DPP6: variants seen among roughly 807,000 people sequenced by gnomAD.
DPP6 encodes the protein A-type potassium channel modulatory protein DPP6.
A neutral mutation model predicts 122.6 loss-of-function variants in DPP6; 69 were observed. The ratio of observed to expected loss-of-function variants is 0.56; its 90% CI spans 0.46 to 0.69. The LOEUF (loss-of-function observed/expected upper bound fraction) is 0.69. DPP6 is among the 30% of genes least tolerant of loss of function. DPP6 has a pLI of 0.00. For missense variants in DPP6, 928 were observed against 1,116.9 expected (o/e 0.83, Z 2.41); for synonymous variants, 418 against 433.1 (o/e 0.97, Z 0.43).
chr7:154,168,248 C>T (rs1797354085), intron 1 of DPP6, among the ~76,000 whole-genome samples: 1 of 152,090 alleles, frequency 6.6e-6, no homozygotes, highest in Admixed American at 6.6e-5. Context: ...GAAGACCTTG[C>T]CTTATTATTT....
At chr7:154,472,230 A>AT (rs1028122211) in intron 2 of DPP6, among the ~76,000 whole-genome samples, 12 of 152,188 alleles carry the variant, frequency 7.9e-5, no homozygotes, top group East Asian at 5.8e-4. Context: ...ACAAGTGGAC[A>AT]TTTTTTCTAA....
chr7:154,333,005 C>T (rs1376053892), intron 1 of DPP6, among the ~76,000 whole-genome samples: 1 of 152,158 alleles, frequency 6.6e-6, no homozygotes, highest in Non-Finnish European at 1.5e-5. Context: ...CTGCTGTGTT[C>T]CTGTAGGAGG....
intron 1 of DPP6, among the ~76,000 whole-genome samples, chr7:154,408,463 T>C (rs1428583842): frequency 6.6e-6 from 1 of 152,192 alleles, no homozygotes; most frequent in African/African-American, 2.4e-5. Flanking sequence ...TATATATTTT[T>C]ATATTGGAAT....
chr7:154,351,344 C>A (rs1053449132), intron 1 of DPP6, among the ~76,000 whole-genome samples: 1 of 152,160 alleles, frequency 6.6e-6, no homozygotes, highest in Non-Finnish European at 1.5e-5. Context: ...GGCCCCACCA[C>A]CATCTCTTCT....
Position 154,752,738 on chromosome 7 carries a change from C to T in DPP6, c.884-16679C>T, listed in dbSNP as rs549420660. On this transcript the variant is annotated intron_variant, in intron 8 of 25. Coordinates refer to ENST00000377770, the MANE Select transcript of DPP6 (RefSeq NM_130797.4). ...GAAAGCCCTGACCTACAGTGGCGGC[C>T]GCTCTGTTCTAGGATGTGGATGGCA... 1.8e-4 allele frequency among the ~76,000 whole-genome samples: 27 copies of T among 152,252 alleles called. No homozygotes were observed. The East Asian group carries it at 4.2e-3, about 24-fold the overall frequency.
chr7:154,176,756 G>A (rs1411037883), intron 1 of DPP6, among the ~76,000 whole-genome samples: 1 of 152,242 alleles, frequency 6.6e-6, no homozygotes, highest in Non-Finnish European at 1.5e-5. Context: ...AGTCGAGCAG[G>A]CAGCGCGTGC....
intron 1 of DPP6, among the ~76,000 whole-genome samples, chr7:154,430,712 C>G (rs1207789016): frequency 6.6e-6 from 1 of 152,188 alleles, no homozygotes; most frequent in African/African-American, 2.4e-5. Flanking sequence ...CGTGTGTTGA[C>G]TGCCCACTCT....
intron 6 of DPP6, among the ~76,000 whole-genome samples, chr7:154,660,514 A>C (rs1344344003): frequency 1.4e-5 from 2 of 148,086 alleles, no homozygotes; most frequent in African/African-American, 5.2e-5. Context: ...AGTCATGGTG[A>C]ATCACCATGG....
chr7:154,851,517 A>G (rs1480782773), intron 16 of DPP6, among the ~76,000 whole-genome samples: 6 of 151,970 alleles, frequency 3.9e-5, no homozygotes, highest in Admixed American at 3.3e-4. Context: ...CATGGGGGGG[A>G]AATGAATCTT....
chr7:154,674,367 G>A (rs1016487597), intron 7 of DPP6, among the ~76,000 whole-genome samples: 5 of 152,152 alleles, frequency 3.3e-5, no homozygotes, highest in African/African-American at 4.8e-5. Context: ...TGAGGCAGCC[G>A]CGGTGGCCTT....
At chr7:154,116,707 T>G (rs1311558223) in intron 1 of DPP6, among the ~76,000 whole-genome samples, 1 of 152,290 alleles carries the variant, frequency 6.6e-6, no homozygotes, top group African/African-American at 2.4e-5. Context: ...TTTCTTGAAT[T>G]TTTCTTTGCT....
the DPP6 span, among the ~76,000 whole-genome samples, chr7:153,836,145 A>G: frequency 1.3e-5 from 2 of 152,292 alleles, no homozygotes; most frequent in South Asian, 4.1e-4. Context: ...ATACGTGCAC[A>G]CTCAGTGGTG....
At chr7:154,872,477 AT>A in intron 18 of DPP6, 146 bp from the exon 19 acceptor site, 2 of 1,309,808 alleles carry the variant, frequency 1.5e-6, no homozygotes, top group Non-Finnish European at 2.0e-6. Flanking sequence ...AGTCCTCAGG[AT>A]GAAAACCCTG....
At chr7:154,081,903 T>G (rs1472837567) in intron 1 of DPP6, among the ~76,000 whole-genome samples, 1 of 152,206 alleles carries the variant, frequency 6.6e-6, no homozygotes, top group Admixed American at 6.5e-5. Flanking sequence ...AATGGATGTT[T>G]ACTTTAAGGT....
In DPP6 at chr7:154,305,697, G is replaced by C. The variant is rs574352190; in HGVS notation, c.244-140517G>C. 11 of 1,216,336 alleles carry C rather than the reference G, an allele frequency of 9.0e-6. No homozygotes were observed. In the South Asian group the frequency reaches 1.7e-4, roughly 19 times the overall value. The allele number at this position is 1,216,336 out of a possible 1,614,324, so 75.3% of individuals were successfully genotyped here. On this transcript the variant is annotated intron_variant, in intron 1 of 25. Coordinates refer to ENST00000377770, the MANE Select transcript of DPP6 (RefSeq NM_130797.4). ...TATTTTGTATTGGTTTATGACTGTAGCCCCCTGAGCCACCAAGCTGGGAGG... is the reference window on the plus strand; with the variant it reads ...TATTTTGTATTGGTTTATGACTGTACCCCCCTGAGCCACCAAGCTGGGAGG...
At chr7:153,935,274 G>A (rs1210952790) in intron 1 of DPP6, among the ~76,000 whole-genome samples, 3 of 152,012 alleles carry the variant, frequency 2.0e-5, no homozygotes, top group Non-Finnish European at 4.4e-5. Context: ...GGTAGGAGGG[G>A]GAGTGAGTCA....
chr7:154,476,553 A>G (rs1384416324), intron 3 of DPP6, among the ~76,000 whole-genome samples: 3 of 152,202 alleles, frequency 2.0e-5, no homozygotes, highest in Non-Finnish European at 4.4e-5. Context: ...GAATCCTAAC[A>G]CACAAGACTC....
intron 1 of DPP6, among the ~76,000 whole-genome samples, chr7:154,185,006 T>A (rs955314046): frequency 6.6e-6 from 1 of 152,238 alleles, no homozygotes; most frequent in Non-Finnish European, 1.5e-5. Flanking sequence ...TTGAATGTGA[T>A]GGCTAATAGA....
At chr7:154,508,076 G>C (rs1054657030) in intron 3 of DPP6, among the ~76,000 whole-genome samples, 6 of 152,146 alleles carry the variant, frequency 3.9e-5, no homozygotes, top group Non-Finnish European at 8.8e-5. Context: ...CAGTTAAACT[G>C]TCTCAACTAT....
Sources: gnomAD v4.1 joint callset for allele counts (sites outside exome capture counted in the v4.1 genomes callset) on GRCh38, gnomAD v4.1.1 for gene constraint, MANE v1.5 for transcripts, NCBI Gene and HGNC (gene_info 2026-07-23, HGNC 2026-07-21) for gene names.